The following ZNF418 variants were observed in gnomAD, a reference collection of about 807,000 sequenced individuals.
ZNF418 encodes zinc finger protein 418.
A neutral mutation model predicts 32.0 loss-of-function variants in ZNF418; 32 were observed. The observed-to-expected ratio is 1.00, with a 90% CI of 0.75 to 1.34. ZNF418 has a LOEUF of 1.34. Ranked by LOEUF, ZNF418 falls within the 40% of genes most tolerant of loss-of-function variation. The pLI is 0.00. For synonymous variants in ZNF418, 276 were observed against 270.7 expected, an observed-to-expected ratio of 1.02 and a Z score of -0.19; for missense variants, 804 against 812.5, an observed-to-expected ratio of 0.99 and a Z score of 0.13.
chr19:57,923,754 T>G (rs1256661565), intron 4 of ZNF418, among the ~76,000 whole-genome samples: 2 of 151,670 alleles, frequency 1.3e-5, no homozygotes, highest in African/African-American at 4.8e-5. Flanking sequence ...TTTTGTATTT[T>G]TTTAGTAGAG....
chr19:57,923,986 A>G (rs981856375), intron 4 of ZNF418, among the ~76,000 whole-genome samples: 1 of 151,950 alleles, frequency 6.6e-6, no homozygotes, highest in Admixed American at 6.6e-5. Context: ...AATTGATTCA[A>G]AAGAAAAATG....
chr19:57,926,403 C>T lies in ZNF418; in HGVS notation c.1778G>A (p.Cys593Tyr). The change falls in exon 4 of 6, where the codon TGC (cysteine) becomes TAC (tyrosine). Residue 593 changes from cysteine to tyrosine, a missense_variant. By Grantham distance (194) the Cys-to-Tyr change is radical. Around this residue, in one of 3 missense-constraint regions of ZNF418, gnomAD observed 475 missense variants for 458.6 expected, o/e 1.04. Coordinates refer to ENST00000396147, the MANE Select transcript of ZNF418 (RefSeq NM_133460.3). ...AGTAAATGTTTTTCCACATTCCCTG[C>T]ATTCATAAGGCCTTTCTCCAGTGTG... ...RVHTGERPYE[C>Y]RECGKTFTRR... The T allele has an allele frequency of 6.2e-7, 1 of 1,613,300 alleles. No homozygotes were observed.
intron 1 of ZNF418, chr19:57,934,376 C>T (rs1201988046): frequency 4.6e-6 from 1 of 215,674 alleles, no homozygotes; most frequent in Non-Finnish European, 8.0e-6. Flanking sequence ...ATCACCACGC[C>T]TGGCTAATTT....
chr19:57,926,955 C>A lies in ZNF418; in HGVS notation c.1226G>T (p.Arg409Leu). The A allele has an allele frequency of 6.2e-7, 1 of 1,611,438 alleles. No individual in the cohort carries two copies. Among genetic ancestry groups the A allele is most frequent in the Admixed American group, 1.7e-5 (1 of 59,776 alleles). Residue 409 changes from arginine (R) to leucine (L), a missense_variant, in exon 4 of 6, where the codon CGA becomes CTA. Physicochemically the swap from Arg to Leu is moderately radical, Grantham distance 102. Coordinates refer to ENST00000396147, the MANE Select transcript of ZNF418 (RefSeq NM_133460.3). ...CTGATGGTTCCTAAGGTGTCCCTTT[C>A]GACTAAAAGATTTCCCACATTCTCC... ...ECGECGKSFS[R>L]KGHLRNHQRG...
chr19:57,930,446 C>T lies in ZNF418; in HGVS notation c.115G>A (p.Val39Ile). The change falls in exon 3 of 6, where the codon GTA (valine) becomes ATA (isoleucine). Residue 39 changes from valine (V) to isoleucine (I), a missense_variant. Transcript: ENST00000396147. ...AACTTACCCAGGGAGGATATAAGTACCCAGTTCTCCAGCATCACGTCATGG... is the reference window on the plus strand; with the variant it reads ...AACTTACCCAGGGAGGATATAAGTATCCAGTTCTCCAGCATCACGTCATGG... ...LYHDVMLENW[V>I]LISSLGCWCG... 1 of 1,614,050 alleles carries T rather than the reference C, an allele frequency of 6.2e-7. No homozygotes were observed. The highest frequency in any genetic ancestry group is 8.5e-7 in the Non-Finnish European group (1 of 1,180,008).
At chr19:57,931,846 G>A (rs1228119066) in intron 2 of ZNF418, among the ~76,000 whole-genome samples, 3 of 152,190 alleles carry the variant, frequency 2.0e-5, no homozygotes, top group Non-Finnish European at 4.4e-5. Context: ...AAAGTGCTGG[G>A]ATTACAGCAT....
rs756318899 is a variant in ZNF418 at position 57,927,786 on chromosome 19, A to C, written c.395T>G (p.Leu132Arg). The change falls in exon 4 of 6, where the codon CTT (leucine) becomes CGT (arginine). Residue 132 changes from leucine (L) to arginine (R), a missense_variant. Coordinates refer to ENST00000396147, the MANE Select transcript of ZNF418 (RefSeq NM_133460.3). ...ACTGCTTCTATAGGGTTTCTCTCCA[A>C]GGTACTGATTCTGGTGCGGACGGTT... ...SSNRPHQNQY[L>R]GEKPYRSSVE... 6.8e-6 allele frequency: 11 copies of C among 1,614,214 alleles called. No homozygotes were observed. The Admixed American group carries it at 1.8e-4, about 27-fold the overall frequency.
At chr19:57,932,911 C>T (rs952658260) in intron 2 of ZNF418, among the ~76,000 whole-genome samples, 1 of 152,032 alleles carries the variant, frequency 6.6e-6, no homozygotes, top group Non-Finnish European at 1.5e-5. Context: ...TCTATTCTAC[C>T]CTTGGAAAGC....
chr19:57,924,473 A>T (rs1487820578), intron 4 of ZNF418, among the ~76,000 whole-genome samples: 2 of 152,204 alleles, frequency 1.3e-5, no homozygotes, highest in South Asian at 4.1e-4. Flanking sequence ...CACAAGATTC[A>T]TAATTATGGA....
Position 57,927,291 on chromosome 19 carries a change from T to C in ZNF418, c.890A>G (p.His297Arg). The change falls in exon 4 of 6, where the codon CAT becomes CGT. Residue 297 changes from histidine (H) to arginine (R), a missense_variant. This residue lies in a region of ZNF418 where 475 missense variants were observed against 458.6 expected (regional missense o/e 1.04). Transcript: ENST00000396147. The part of the protein sequence containing the change: ...ECGECGKSFS[H>R]KGSLVQHQRV... Reference sequence around the variant, plus strand: ...CTGATGCTGAACAAGGCTGCCCTTATGACTAAAAGATTTCCCACATTCTCC... The same window carrying C: ...CTGATGCTGAACAAGGCTGCCCTTACGACTAAAAGATTTCCCACATTCTCC... 2 of 1,613,996 alleles carry C rather than the reference T, an allele frequency of 1.2e-6. No individual in the cohort carries two copies. The highest frequency in any genetic ancestry group is 1.7e-6 in the Non-Finnish European group (2 of 1,179,986).
chr19:57,932,066 A>T (rs1229427157), intron 2 of ZNF418, among the ~76,000 whole-genome samples: 1 of 152,218 alleles, frequency 6.6e-6, no homozygotes, highest in Non-Finnish European at 1.5e-5. Flanking sequence ...AACAAATGGA[A>T]ACCAGGGACA....
Position 57,922,478 on chromosome 19 carries a change from G to C in ZNF418, c.*777C>G, listed in dbSNP as rs188333979. 2.5e-6 allele frequency: 1 copy of C among 397,560 alleles called. No homozygotes were observed. Among genetic ancestry groups the C allele is most frequent in the African/African-American group, 2.1e-5 (1 of 48,500 alleles). The allele number at this position is 397,560 out of a possible 1,614,324, so 24.6% of individuals were successfully genotyped here. On this transcript the variant is annotated 3_prime_UTR_variant, in exon 6 of 6. Transcript: ENST00000396147. ...ACACATATTTACCCATGACTTCCAC[G>C]GTGGCTCTTCTGTAAGGAAATGCTT...
chr19:57,935,098 C>G, intron 1 of ZNF418, 63 bp downstream of exon 1: 1 of 1,285,120 alleles, frequency 7.8e-7, no homozygotes, highest in Non-Finnish European at 1.0e-6. Flanking sequence ...AGTCGCCGCT[C>G]TCTCGCTGCT....
chr19:57,929,047 A>G (rs1311857325), intron 3 of ZNF418, among the ~76,000 whole-genome samples: 1 of 152,134 alleles, frequency 6.6e-6, no homozygotes, highest in Non-Finnish European at 1.5e-5. Flanking sequence ...ACTTGCTAAT[A>G]CACAATGTGT....
In ZNF418 at chr19:57,922,554, TG is replaced by T. The variant is rs2072033179; in HGVS notation, c.*700del. On this transcript the variant is annotated 3_prime_UTR_variant, in exon 6 of 6. Coordinates refer to ENST00000396147, the MANE Select transcript of ZNF418 (RefSeq NM_133460.3). ...CATAATCAGTTCATATTTATAATCT[TG>T]GGCTGGAGGCAAATGCATACAGTTT... 2.5e-6 allele frequency: 1 copy of T among 398,380 alleles called. No individual in the cohort carries two copies. 24.7% of individuals were successfully genotyped at this position (398,380 alleles called of 1,614,324 possible).
chr19:57,927,756 T>C lies in ZNF418; in HGVS notation c.425A>G (p.Glu142Gly), dbSNP rs2072306940. 6.2e-7 allele frequency: 1 copy of C among 1,614,240 alleles called. No homozygotes were observed. Among genetic ancestry groups the C allele is most frequent in the Non-Finnish European group, 8.5e-7 (1 of 1,180,048 alleles). Reference sequence around the variant, plus strand: ...ACACCTCTTCACAAACAATGCTTCCTCAACACTGCTTCTATAGGGTTTCTC... The same window carrying C: ...ACACCTCTTCACAAACAATGCTTCCCCAACACTGCTTCTATAGGGTTTCTC... Reference protein sequence around the residue: ...LGEKPYRSSVEEALFVKRCKF... With the variant: ...LGEKPYRSSVGEALFVKRCKF... Residue 142 changes from glutamate (E) to glycine (G), a missense_variant, in exon 4 of 6, where the codon GAG becomes GGG. This residue lies in a region of ZNF418 where 307 missense variants were observed against 304.9 expected (regional missense o/e 1.01). Transcript: ENST00000396147.
chr19:57,931,498 G>A (rs750482839), intron 2 of ZNF418, among the ~76,000 whole-genome samples: 52 of 152,198 alleles, frequency 3.4e-4, no homozygotes, highest in African/African-American at 1.1e-3. Context: ...CACCACGCCC[G>A]GCCTTACACA....
At chr19:57,931,881 G>A (rs773926217) in intron 2 of ZNF418, among the ~76,000 whole-genome samples, 1 of 152,208 alleles carries the variant, frequency 6.6e-6, no homozygotes, top group Non-Finnish European at 1.5e-5. Flanking sequence ...GGCCAACAAA[G>A]TATTTTAATC....
At chr19:57,934,191 G>T (rs952636236) in intron 1 of ZNF418, 235 of 1,151,574 alleles carry the variant, frequency 2.0e-4, no homozygotes, top group Non-Finnish European at 2.3e-4. Context: ...GGGGAATAAG[G>T]CCAGTGAGGG....
Sources: allele counts gnomAD v4.1 joint callset (sites outside exome capture counted in the v4.1 genomes callset), GRCh38; gene constraint gnomAD v4.1.1; regional missense constraint gnomAD v4.1.1; transcripts MANE v1.5; gene names NCBI Gene and HGNC (gene_info 2026-07-23, HGNC 2026-07-21).